Variants in ERN2 observed in about 807,000 individuals in gnomAD.
ERN2 encodes the protein endoplasmic reticulum to nucleus signaling 2.
ERN2 carries 111 observed loss-of-function variants against 107.9 expected under a neutral mutation model. The observed-to-expected ratio is 1.03, with a 90% CI of 0.88 to 1.20. The LOEUF (loss-of-function observed/expected upper bound fraction) is 1.20. ERN2 is among the 50% of genes most tolerant of loss of function. The pLI is 0.00. For missense variants in ERN2, 1,225 were observed against 1,197.9 expected, an observed-to-expected ratio of 1.02 and a Z score of -0.33; for synonymous variants, 524 against 501.7, an observed-to-expected ratio of 1.04 and a Z score of -0.59.
intron 7 of ERN2, among the ~76,000 whole-genome samples, 177 bp from the exon 8 acceptor site, chr16:23,705,324 G>C (rs1430579062): frequency 6.6e-6 from 1 of 152,178 alleles, no homozygotes. Flanking sequence ...CATCAGTCAG[G>C]GTCATTCAAA....
intron 1 of ERN2, 104 bp downstream of exon 1, chr16:23,712,991 G>T: frequency 1.2e-6 from 1 of 843,388 alleles, no homozygotes; most frequent in Non-Finnish European, 1.7e-6. Context: ...GAGGGAGGGA[G>T]AGGTGCCCCC....
chr16:23,698,004 C>G (rs1051067827), intron 13 of ERN2, among the ~76,000 whole-genome samples: 12 of 152,068 alleles, frequency 7.9e-5, no homozygotes, highest in Non-Finnish European at 1.2e-4. Context: ...CCCACCTAAG[C>G]CTCCCAAGCT....
At chr16:23,705,263 T>C (rs1960257860) in intron 7 of ERN2, 116 bp from the exon 8 acceptor site, 4 of 1,147,468 alleles carry the variant, frequency 3.5e-6, no homozygotes, top group African/African-American at 1.5e-5. Flanking sequence ...GAGGGTTATC[T>C]GGACATGAGA....
chr16:23,696,895 C>G (rs909956880), intron 13 of ERN2: 1 of 152,064 alleles, frequency 6.6e-6, no homozygotes, highest in African/African-American at 2.4e-5. Flanking sequence ...AAATGAAAAT[C>G]AGCATTAGGG....
chr16:23,700,904 AGAG>A, intron 12 of ERN2, 52 bp downstream of exon 12: 1 of 1,564,532 alleles, frequency 6.4e-7, no homozygotes. Flanking sequence ...GTGGTCTCAG[AGAG>A]GAGAAGCAGC....
In ERN2 at chr16:23,710,892, G is replaced by A. The variant is rs1374383259; in HGVS notation, c.199+21C>T. The A allele has an allele frequency of 3.9e-6, 6 of 1,548,890 alleles. No homozygotes were observed. In the South Asian group the frequency reaches 4.5e-5, roughly 11 times the overall value. The stretch of plus-strand genomic sequence containing the variant: ...CCAATCTATGGGCCCAAGGAGGGAG[G>A]AGGGACCACCTCTTGCTCACCATCC... On this transcript the variant is annotated intron_variant, in intron 2 of 21. Transcript: ENST00000256797.
In ERN2 at chr16:23,695,121, GAGC is replaced by G. The variant is rs746937952; in HGVS notation, c.1801-6_1801-4del. The G allele has an allele frequency of 1.2e-6, 2 of 1,614,008 alleles. No homozygotes were observed. The highest frequency in any genetic ancestry group is 1.7e-6 in the Non-Finnish European group (2 of 1,179,930). Reference sequence around the variant, plus strand: ...TCCAGGTCCGGGTTTTCTACGTACTGAGCAGCAGCAAGGGCCAAAGCATCACTC... The same window carrying G: ...TCCAGGTCCGGGTTTTCTACGTACTGAGCAGCAAGGGCCAAAGCATCACTC... On this transcript the variant is annotated splice_region_variant and splice_polypyrimidine_tract_variant and intron_variant, in intron 15 of 21. Coordinates refer to ENST00000256797, the MANE Select transcript of ERN2 (RefSeq NM_033266.4).
At position 23,694,791 on chromosome 16, in the gene ERN2, G is replaced by C; in HGVS notation, c.2037C>G (p.Gly679=). 6.2e-7 allele frequency: 1 copy of C among 1,613,468 alleles called. No homozygotes were observed. The change falls in exon 17 of 22, where the codon GGC becomes GGG. Residue 679 remains glycine (G), a synonymous_variant. Coordinates refer to ENST00000256797, the MANE Select transcript of ERN2 (RefSeq NM_033266.4). ...AGRCSFSLHS[G]IPGTEGWMAP... ...CCATCCAGCCTTCCGTGCCGGGGATGCCGGAGTGGAGGCTGAAGCTACAGC... is the reference window on the plus strand; with the variant it reads ...CCATCCAGCCTTCCGTGCCGGGGATCCCGGAGTGGAGGCTGAAGCTACAGC...
chr16:23,710,776 C>A (rs980077375), intron 2 of ERN2, 137 bp downstream of exon 2: 4 of 827,068 alleles, frequency 4.8e-6, no homozygotes, highest in Non-Finnish European at 8.0e-6. Context: ...GGCCACACAG[C>A]TGGTAAGCAG....
chr16:23,704,283 A>G (rs919647622), intron 8 of ERN2, among the ~76,000 whole-genome samples: 4 of 152,156 alleles, frequency 2.6e-5, no homozygotes, highest in African/African-American at 7.2e-5. Context: ...CCCCTCTGAT[A>G]TGGTTTGGCT....
At chr16:23,699,180 C>G (rs1959947836) in intron 13 of ERN2, among the ~76,000 whole-genome samples, 1 of 152,114 alleles carries the variant, frequency 6.6e-6, no homozygotes, top group Non-Finnish European at 1.5e-5. Flanking sequence ...AGAGCTGACC[C>G]CTGAGGAAGG....
intron 9 of ERN2, 36 bp from the exon 10 acceptor site, chr16:23,702,573 GTTC>G: frequency 6.2e-7 from 1 of 1,613,978 alleles, no homozygotes; most frequent in Non-Finnish European, 8.5e-7. Context: ...AGTGAGGGAG[GTTC>G]TTCTCCCGTT....
At chr16:23,700,362 C>T (rs377617432) in intron 13 of ERN2, among the ~76,000 whole-genome samples, 177 bp downstream of exon 13, 1 of 152,144 alleles carries the variant, frequency 6.6e-6, no homozygotes, top group East Asian at 1.9e-4. Flanking sequence ...GAAAAAATGA[C>T]AGCAGACACT....
intron 13 of ERN2, 121 bp downstream of exon 13, chr16:23,700,418 C>T: frequency 4.2e-6 from 4 of 949,618 alleles, no homozygotes; most frequent in Non-Finnish European, 6.3e-6. Flanking sequence ...AAACACTCTT[C>T]TTAATTCATG....
chr16:23,700,675 C>G lies in ERN2; in HGVS notation c.1389G>C (p.Gln463His). Residue 463 changes from glutamine (Q) to histidine (H), a missense_variant, in exon 13 of 22, where the codon CAG becomes CAC. Transcript: ENST00000256797. ...AGTCTGCAGGTGCCAGGGGGGTCTC[C>G]TGCTGCTTCTCCACCACCTGCGGCT... ...QQQPQVVEKQ[Q>H]ETPLAPADFA... The G allele has an allele frequency of 6.2e-7, 1 of 1,613,740 alleles. No individual in the cohort carries two copies. The highest frequency in any genetic ancestry group is 8.5e-7 in the Non-Finnish European group (1 of 1,179,804).
intron 13 of ERN2, among the ~76,000 whole-genome samples, chr16:23,699,852 T>C (rs906364549): frequency 9.2e-5 from 14 of 152,234 alleles, no homozygotes; most frequent in Admixed American, 7.9e-4. Context: ...AACATGAATA[T>C]TAATATTACC....
At chr16:23,702,808 G>T in intron 8 of ERN2, 106 bp from the exon 9 acceptor site, 2 of 958,402 alleles carry the variant, frequency 2.1e-6, no homozygotes, top group Non-Finnish European at 3.3e-6. Flanking sequence ...CATTGACTCA[G>T]CTTAGCCATG....
chr16:23,704,372 C>CT (rs949614529), intron 8 of ERN2, among the ~76,000 whole-genome samples: 5 of 152,090 alleles, frequency 3.3e-5, no homozygotes, highest in African/African-American at 9.7e-5. Flanking sequence ...ATCATGAGGT[C>CT]TTTCCCATGC....
chr16:23,702,340 C>T (rs775108474), intron 10 of ERN2, 50 bp downstream of exon 10: 2 of 1,611,080 alleles, frequency 1.2e-6, no homozygotes, highest in Non-Finnish European at 8.5e-7. Context: ...AAGCTGGGCT[C>T]ACAGGTTCTT....
Sources: allele counts gnomAD v4.1 joint callset (sites outside exome capture counted in the v4.1 genomes callset), GRCh38; gene constraint gnomAD v4.1.1; transcripts MANE v1.5; gene names NCBI Gene and HGNC (gene_info 2026-07-23, HGNC 2026-07-21).